The following POLR1C variants were observed in gnomAD, a reference collection of about 807,000 sequenced individuals.
POLR1C encodes RNA polymerase I and III subunit C.
POLR1C carries 42 observed loss-of-function variants against 38.3 expected under a neutral mutation model. The observed-to-expected ratio is 1.10, with a 90% CI of 0.86 to 1.42. The LOEUF (loss-of-function observed/expected upper bound fraction) is 1.42. Ranked by LOEUF, POLR1C falls within the 40% of genes most tolerant of loss-of-function variation. The pLI is 0.00. For missense variants in POLR1C, 507 were observed against 450.5 expected (o/e 1.13, Z -1.14); for synonymous variants, 163 against 163.9 (o/e 0.99, Z 0.04).
In POLR1C at chr6:43,536,162, C is replaced by T. The variant is rs972709359; in HGVS notation, c.*4+6803C>T. On this transcript the variant is annotated intron_variant, in intron 9 of 10. Transcript: ENST00000607635. ...AGGCACAGTGACTCATGCCTGTAAT[C>T]CCAGCACTTTGGGAGGCTAAGGCAG... Among the ~76,000 whole-genome samples, 89 of 151,670 alleles carry T rather than the reference C, an allele frequency of 5.9e-4. 2 individuals carry two copies. The highest frequency in any genetic ancestry group is 5.6e-3 in the Admixed American group (85 of 15,216).
intron 9 of POLR1C, chr6:43,548,319 A>G: frequency 5.6e-6 from 9 of 1,613,564 alleles, no homozygotes; most frequent in African/African-American, 1.3e-5. Flanking sequence ...TCCTCTAGGA[A>G]CACCTTCTGA....
At position 43,517,327 on chromosome 6, in the gene POLR1C, G is replaced by A. The variant is rs775819198; in HGVS notation, c.91G>A (p.Gly31Ser). The change falls in exon 2 of 9, where the codon GGT becomes AGT. Residue 31 changes from glycine to serine, a missense_variant. Transcript: ENST00000642195. ...CTAGGTCCATACTACTGACTTTCCC[G>A]GTAACTATTCCGGTTATGATGATGC... ...VRNVHTTDFPGNYSGYDDAWD... is the reference protein window; with the variant it reads ...VRNVHTTDFPSNYSGYDDAWD... 2 of 1,614,104 alleles carry A rather than the reference G, an allele frequency of 1.2e-6. No individual in the cohort carries two copies. Among genetic ancestry groups the A allele is most frequent in the East Asian group, 2.2e-5 (1 of 44,890 alleles).
At chr6:43,542,065 G>A (rs932758427) in intron 9 of POLR1C, among the ~76,000 whole-genome samples, 3 of 152,138 alleles carry the variant, frequency 2.0e-5, no homozygotes, top group Non-Finnish European at 4.4e-5. Context: ...TTACATGCAT[G>A]AGCCACCGCA....
At chr6:43,524,109 T>C (rs1219207346), downstream of POLR1C, 6 of 1,491,244 alleles carry the variant, frequency 4.0e-6, no homozygotes, top group South Asian at 1.3e-5. Flanking sequence ...CCAACACTTT[T>C]GGGAGGCCAA....
intron 10 of POLR1C, chr6:43,551,587 C>T (rs1795231401): frequency 9.5e-7 from 1 of 1,055,650 alleles, no homozygotes; most frequent in South Asian, 1.6e-5. Flanking sequence ...CACAGTGGCA[C>T]AATCATCACT....
At chr6:43,537,977 C>T (rs1794445971) in intron 9 of POLR1C, among the ~76,000 whole-genome samples, 1 of 147,996 alleles carries the variant, frequency 6.8e-6, no homozygotes, top group Non-Finnish European at 1.5e-5. Flanking sequence ...CTGAGGCAGT[C>T]GAGAGGCTGA....
chr6:43,547,519 A>G, intron 9 of POLR1C: 1 of 1,272,518 alleles, frequency 7.9e-7, no homozygotes, highest in Non-Finnish European at 1.1e-6. Context: ...CCAGTATAGA[A>G]AAAACAAATC....
intron 2 of POLR1C, 137 bp downstream of exon 2, chr6:43,517,514 G>A (rs1360134175): frequency 4.0e-6 from 3 of 741,392 alleles, no homozygotes; most frequent in Admixed American, 2.1e-5. Flanking sequence ...TAGACGCTCC[G>A]TTTACAGGCC....
rs200525225 is a variant in POLR1C at position 43,520,173 on chromosome 6, G to A, written c.490G>A (p.Val164Met). The part of the protein sequence containing the change: ...KDSSDPNELY[V>M]NHKVYTRHMT... Reference sequence around the variant, plus strand: ...TTCCTCTGACCCCAACGAACTGTACGTGAACCACAAAGGTGAGTAGTGGTA... The same window carrying A: ...TTCCTCTGACCCCAACGAACTGTACATGAACCACAAAGGTGAGTAGTGGTA... Residue 164 changes from valine to methionine, a missense_variant, in exon 5 of 9, where the codon GTG becomes ATG. Val to Met is a conservative substitution (Grantham distance 21). Coordinates refer to ENST00000642195, the MANE Select transcript of POLR1C (RefSeq NM_203290.4). 1.6e-4 allele frequency: 251 copies of A among 1,614,206 alleles called. 1 individual carries two copies. Among genetic ancestry groups the A allele is most frequent in the Middle Eastern group, 3.3e-4 (2 of 6,062 alleles).
At chr6:43,526,517 G>A (rs1793600983) in intron 8 of POLR1C, 2 of 691,412 alleles carry the variant, frequency 2.9e-6, no homozygotes, top group Non-Finnish European at 2.5e-6. Context: ...GCAAAGGCTT[G>A]GAGGTGGGAG....
Position 43,546,845 on chromosome 6 carries a change from GAC to G in POLR1C, c.*5-4119_*5-4118del, listed in dbSNP as rs1291564341. On this transcript the variant is annotated intron_variant, in intron 9 of 10. Transcript: ENST00000607635. ...ATATATTCAAGGTTCTGGCAAAAGT[GAC>G]ACAGAGGCCAGAGAGAATGAAATAA... The G allele has an allele frequency of 2.5e-6, 3 of 1,214,174 alleles. No individual in the cohort carries two copies. In the African/African-American group the frequency reaches 4.7e-5, roughly 19 times the overall value. 75.2% of individuals were successfully genotyped at this position (1,214,174 alleles called of 1,614,324 possible).
intron 10 of POLR1C, among the ~76,000 whole-genome samples, chr6:43,560,711 T>C (rs1332269735): frequency 6.6e-6 from 1 of 152,186 alleles, no homozygotes; most frequent in Non-Finnish European, 1.5e-5. Context: ...AATCAGAATA[T>C]TACCTAAAGG....
rs1292425240 is a variant in POLR1C at position 43,520,193 on chromosome 6, G to A, written c.502+8G>A. 6.2e-7 allele frequency: 1 copy of A among 1,614,118 alleles called. No homozygotes were observed. The highest frequency in any genetic ancestry group is 2.2e-5 in the East Asian group (1 of 44,900). On this transcript the variant is annotated splice_region_variant and intron_variant, in intron 5 of 8. Coordinates refer to ENST00000642195, the MANE Select transcript of POLR1C (RefSeq NM_203290.4). Reference sequence around the variant, plus strand: ...TGTACGTGAACCACAAAGGTGAGTAGTGGTAGGGTGAGGAAGAGGCCCCAC... The same window carrying A: ...TGTACGTGAACCACAAAGGTGAGTAATGGTAGGGTGAGGAAGAGGCCCCAC...
chr6:43,520,254 T>C (rs779700234), intron 5 of POLR1C, 21 bp from the exon 6 acceptor site: 2 of 1,613,512 alleles, frequency 1.2e-6, no homozygotes, highest in Non-Finnish European at 1.7e-6. Flanking sequence ...ACTGAGATCT[T>C]CTGACATGTT....
intron 10 of POLR1C, chr6:43,558,591 T>C: frequency 6.3e-7 from 1 of 1,579,492 alleles, no homozygotes; most frequent in Non-Finnish European, 8.6e-7. Context: ...GGAAAGCCCA[T>C]CTGGAAAAAG....
At chr6:43,526,535 G>T in intron 8 of POLR1C, 1 of 807,806 alleles carries the variant, frequency 1.2e-6, no homozygotes, top group Non-Finnish European at 2.0e-6. Context: ...GAGTATGATG[G>T]AGGCACACAG....
At chr6:43,533,836 A>C, downstream of POLR1C, 2 of 1,236,036 alleles carry the variant, frequency 1.6e-6, no homozygotes, top group South Asian at 2.5e-5. Context: ...GACTCTTAAA[A>C]AACAACAAAA....
At chr6:43,525,905 G>A, downstream of POLR1C, 2 of 1,613,938 alleles carry the variant, frequency 1.2e-6, no homozygotes, top group Non-Finnish European at 1.7e-6. Context: ...TGACCTCTGT[G>A]GCCATCATTT....
chr6:43,528,349 A>T (rs901758622), intron 8 of POLR1C: 1 of 752,976 alleles, frequency 1.3e-6, no homozygotes, highest in African/African-American at 1.8e-5. Context: ...TCCACACCAC[A>T]AGGTTAAAAA....
Sources: allele counts gnomAD v4.1 joint callset (sites outside exome capture counted in the v4.1 genomes callset), GRCh38; gene constraint gnomAD v4.1.1; transcripts MANE v1.5; gene names NCBI Gene and HGNC (gene_info 2026-07-23, HGNC 2026-07-21).